FTO: variants seen among roughly 807,000 people sequenced by gnomAD.
FTO encodes FTO alpha-ketoglutarate dependent dioxygenase.
In FTO, 47 loss-of-function variants were observed where a neutral mutation model predicts 63.9. The observed-to-expected ratio is 0.74, with a 90% CI of 0.58 to 0.94. The LOEUF (loss-of-function observed/expected upper bound fraction) is 0.94. Among genes scored for constraint, FTO ranks in the 40% least tolerant of loss-of-function variants. FTO has a pLI of 0.00. For missense variants in FTO, 562 were observed against 618.1 expected (o/e 0.91, Z 0.96); for synonymous variants, 207 against 224.4 (o/e 0.92, Z 0.69).
intron 8 of FTO, among the ~76,000 whole-genome samples, chr16:54,099,044 G>C (rs941004520): frequency 6.6e-6 from 1 of 152,124 alleles, no homozygotes; most frequent in African/African-American, 2.4e-5. Flanking sequence ...ATTTGGAAAG[G>C]GTTATCTTTT....
At chr16:54,110,836 C>T (rs989252389) in intron 8 of FTO, among the ~76,000 whole-genome samples, 11 of 152,234 alleles carry the variant, frequency 7.2e-5, no homozygotes, top group Admixed American at 6.5e-4. Flanking sequence ...TTCACTGCCA[C>T]GTACTCCAGG....
chr16:53,833,896 G>T (rs1318383579), intron 3 of FTO, among the ~76,000 whole-genome samples: 1 of 152,080 alleles, frequency 6.6e-6, no homozygotes, highest in Non-Finnish European at 1.5e-5. Flanking sequence ...GTCTATTCAA[G>T]TTGTTTGCCC....
intron 1 of FTO, among the ~76,000 whole-genome samples, chr16:53,746,560 T>A (rs965081087): frequency 2.0e-5 from 3 of 152,184 alleles, no homozygotes; most frequent in South Asian, 2.1e-4. Flanking sequence ...TTCTTTTTTT[T>A]AAATCATTTT....
At chr16:54,030,063 G>A (rs1349596904) in intron 8 of FTO, among the ~76,000 whole-genome samples, 2 of 152,102 alleles carry the variant, frequency 1.3e-5, no homozygotes, top group African/African-American at 4.8e-5. Flanking sequence ...TGATTGTCCA[G>A]TCCTCTCCCA....
intron 8 of FTO, among the ~76,000 whole-genome samples, chr16:54,062,213 C>G (rs1268515223): frequency 6.6e-6 from 1 of 152,202 alleles, no homozygotes; most frequent in Non-Finnish European, 1.5e-5. Flanking sequence ...AACCCAAAGT[C>G]CCCTTGAAAT....
intron 1 of FTO, among the ~76,000 whole-genome samples, chr16:53,737,165 T>G (rs2076408378): frequency 6.6e-6 from 1 of 152,314 alleles, no homozygotes. Context: ...AAGGGTTGAT[T>G]GATGTCCTGA....
At chr16:53,759,211 A>G (rs2076990901) in intron 1 of FTO, among the ~76,000 whole-genome samples, 1 of 152,228 alleles carries the variant, frequency 6.6e-6, no homozygotes, top group African/African-American at 2.4e-5. Context: ...TGATAGCAGA[A>G]ATTAAATTTT....
At chr16:54,036,173 T>G (rs1353536744) in intron 8 of FTO, among the ~76,000 whole-genome samples, 1 of 152,240 alleles carries the variant, frequency 6.6e-6, no homozygotes, top group East Asian at 1.9e-4. Context: ...TGTTTTCAAC[T>G]GTCTATCCTA....
intron 7 of FTO, among the ~76,000 whole-genome samples, chr16:53,891,604 T>A (rs908648871): frequency 2.0e-5 from 3 of 152,172 alleles, no homozygotes; most frequent in Non-Finnish European, 4.4e-5. Context: ...AAGGCTACAG[T>A]GAGCTGTGAT....
intron 8 of FTO, among the ~76,000 whole-genome samples, chr16:54,017,019 C>T (rs566910698): frequency 3.9e-5 from 6 of 152,286 alleles, no homozygotes; most frequent in African/African-American, 9.6e-5. Flanking sequence ...TAATGAGTGG[C>T]ATTCACCCAA....
Position 53,826,507 on chromosome 16 carries a change from G to C in FTO, c.751+16G>C, listed in dbSNP as rs1300195583. The C allele has an allele frequency of 5.0e-6, 8 of 1,613,220 alleles. No homozygotes were observed. The highest frequency in any genetic ancestry group is 1.3e-5 in the African/African-American group (1 of 74,894). On this transcript the variant is annotated intron_variant, in intron 3 of 8. Transcript: ENST00000471389. ...AGCTGTGAAGGTACAGTCTGCTCTTGGAAAAAGCAGCCCTGTATGTAATAA... is the reference window on the plus strand; with the variant it reads ...AGCTGTGAAGGTACAGTCTGCTCTTCGAAAAAGCAGCCCTGTATGTAATAA...
chr16:54,053,415 C>T (rs1446700927), intron 8 of FTO, among the ~76,000 whole-genome samples: 3 of 152,162 alleles, frequency 2.0e-5, no homozygotes, highest in African/African-American at 7.2e-5. Context: ...AAGATCATCT[C>T]CTGCCAGATC....
At chr16:53,793,155 A>G (rs1407855518) in intron 1 of FTO, among the ~76,000 whole-genome samples, 1 of 152,196 alleles carries the variant, frequency 6.6e-6, no homozygotes, top group African/African-American at 2.4e-5. Context: ...GCCCTTAGTA[A>G]AGGATCCAGC....
intron 1 of FTO, among the ~76,000 whole-genome samples, chr16:53,710,353 C>T (rs1369159687): frequency 6.6e-6 from 1 of 151,118 alleles, no homozygotes; most frequent in Non-Finnish European, 1.5e-5. Flanking sequence ...GCAACCTCCA[C>T]CTCCCGAGTT....
chr16:53,825,277 A>C (rs905661205), intron 2 of FTO, among the ~76,000 whole-genome samples: 1 of 152,272 alleles, frequency 6.6e-6, no homozygotes, highest in Non-Finnish European at 1.5e-5. Context: ...ATGCATTCTC[A>C]TGGTTAAGAA....
intron 7 of FTO, among the ~76,000 whole-genome samples, chr16:53,926,806 C>T (rs890056769): frequency 2.6e-5 from 4 of 151,750 alleles, no homozygotes; most frequent in African/African-American, 9.7e-5. Context: ...TAAGCAGGAC[C>T]TGTATCAAAA....
chr16:53,922,334 A>G (rs2082026164), intron 7 of FTO, among the ~76,000 whole-genome samples: 1 of 152,190 alleles, frequency 6.6e-6, no homozygotes, highest in African/African-American at 2.4e-5. Flanking sequence ...ATTGGCTTAA[A>G]GCTGTAAATG....
chr16:53,937,402 C>G, intron 8 of FTO: 1 of 395,224 alleles, frequency 2.5e-6, no homozygotes, highest in East Asian at 3.6e-5. Flanking sequence ...ACTGGGCGAG[C>G]CCTCTGATCT....
chr16:53,756,325 CTTCTT>C (rs745813490), intron 1 of FTO, among the ~76,000 whole-genome samples: 2 of 152,174 alleles, frequency 1.3e-5, no homozygotes, highest in Non-Finnish European at 1.5e-5. Context: ...GCAGCAACAG[CTTCTT>C]TTCTTAGATT....
Sources: allele counts gnomAD v4.1 joint callset (sites outside exome capture counted in the v4.1 genomes callset), GRCh38; gene constraint gnomAD v4.1.1; transcripts MANE v1.5; gene names NCBI Gene and HGNC (gene_info 2026-07-23, HGNC 2026-07-21).